Variants in FKBP14 observed in about 807,000 individuals in gnomAD.
FKBP14 encodes peptidyl-prolyl cis-trans isomerase FKBP14.
A neutral mutation model predicts 21.6 loss-of-function variants in FKBP14; 20 were observed. The observed-to-expected ratio is 0.92, with a 90% CI of 0.65 to 1.34. FKBP14 has a LOEUF of 1.34. Among genes scored for constraint, FKBP14 ranks in the 40% most tolerant of loss-of-function variants. The pLI, the probability that FKBP14 is intolerant of heterozygous loss-of-function variation, is 0.00. For missense variants in FKBP14, 253 were observed against 249.0 expected (o/e 1.02, Z -0.11); for synonymous variants, 79 against 86.7 (o/e 0.91, Z 0.49).
chr7:30,011,602 A>C lies in FKBP14; in HGVS notation c.*3133T>G, dbSNP rs985033426. On this transcript the variant is annotated 3_prime_UTR_variant, in exon 4 of 4. Coordinates refer to ENST00000222803, the MANE Select transcript of FKBP14 (RefSeq NM_017946.4). ...ATATATATATATATAGTATATATAT[A>C]TATATATATTTTTTTTTTTAGATGG... 2.3e-5 allele frequency: 3 copies of C among 129,632 alleles called. No individual in the cohort carries two copies. Among genetic ancestry groups the C allele is most frequent in the African/African-American group, 8.6e-5 (3 of 34,884 alleles). The allele number at this position is 129,632 out of a possible 1,614,324, so 8.0% of individuals were successfully genotyped here.
At chr7:30,024,888 A>T (rs1213669901) in intron 1 of FKBP14, among the ~76,000 whole-genome samples, 1 of 152,244 alleles carries the variant, frequency 6.6e-6, no homozygotes, top group Non-Finnish European at 1.5e-5. Context: ...CTGAGTCTAA[A>T]AGAGATCAGA....
At chr7:30,007,277 T>G (rs1789634187), downstream of FKBP14, among the ~76,000 whole-genome samples, 1 of 150,192 alleles carries the variant, frequency 6.7e-6, no homozygotes, top group Admixed American at 6.7e-5. Flanking sequence ...TGGTGCGATC[T>G]CGGCTCACTG....
chr7:30,025,357 AT>A (rs1161735700), intron 1 of FKBP14: 1 of 152,142 alleles, frequency 6.6e-6, no homozygotes, highest in Non-Finnish European at 1.5e-5. Flanking sequence ...ATATCATTGC[AT>A]TATTTACTTG....
intron 1 of FKBP14, 111 bp from the exon 2 acceptor site, chr7:30,022,927 T>A: frequency 1.0e-6 from 1 of 962,326 alleles, no homozygotes; most frequent in Non-Finnish European, 1.5e-6. Flanking sequence ...AATTTATAAA[T>A]ACAGCAATTC....
chr7:30,007,064 C>T (rs1789629940), downstream of FKBP14, among the ~76,000 whole-genome samples: 1 of 152,124 alleles, frequency 6.6e-6, no homozygotes, highest in Non-Finnish European at 1.5e-5. Flanking sequence ...CACTGATATA[C>T]TGGGTACATT....
intron 3 of FKBP14, among the ~76,000 whole-genome samples, chr7:30,016,507 C>T (rs1347104205): frequency 1.3e-5 from 2 of 152,116 alleles, no homozygotes; most frequent in Admixed American, 1.3e-4. Context: ...GATTCACCTG[C>T]CTCAGACTCC....
Position 30,014,631 on chromosome 7 carries a change from A to G in FKBP14, c.*104T>C. On this transcript the variant is annotated 3_prime_UTR_variant, in exon 4 of 4. Transcript: ENST00000222803. ...GGAGTCAGAAAAAATATATAAAAAT[A>G]AAAAACAAAGCAAGAAAGAACATTG... 1.3e-6 allele frequency: 1 copy of G among 796,324 alleles called. No homozygotes were observed. Among genetic ancestry groups the G allele is most frequent in the African/African-American group, 1.8e-5 (1 of 56,008 alleles). The allele number at this position is 796,324 out of a possible 1,614,324, so 49.3% of individuals were successfully genotyped here.
chr7:30,021,507 C>G (rs1790029918), intron 2 of FKBP14, among the ~76,000 whole-genome samples: 1 of 151,880 alleles, frequency 6.6e-6, no homozygotes, highest in Non-Finnish European at 1.5e-5. Flanking sequence ...TCTAATTATT[C>G]CCTTAGGTTT....
downstream of FKBP14, among the ~76,000 whole-genome samples, chr7:30,008,947 C>CA (rs1015375422): frequency 9.2e-3 from 1,055 of 114,530 alleles, 7 homozygotes; most frequent in Middle Eastern, 0.014. Flanking sequence ...AATCCGTCTC[C>CA]AAAAAAAAAA....
chr7:30,022,004 G>T (rs945201831), intron 2 of FKBP14, among the ~76,000 whole-genome samples: 1 of 152,126 alleles, frequency 6.6e-6, no homozygotes, highest in Non-Finnish European at 1.5e-5. Flanking sequence ...GACACAGGGA[G>T]AATTAAATTC....
chr7:30,017,449 G>A (rs1789918447), intron 3 of FKBP14, among the ~76,000 whole-genome samples: 1 of 151,818 alleles, frequency 6.6e-6, no homozygotes, highest in South Asian at 2.1e-4. Context: ...TGCACCTGTA[G>A]TCCCAGCTAC....
At chr7:30,006,874 C>G (rs999178062), downstream of FKBP14, among the ~76,000 whole-genome samples, 1 of 152,188 alleles carries the variant, frequency 6.6e-6, no homozygotes, top group Non-Finnish European at 1.5e-5. Flanking sequence ...TAGGTCAGAT[C>G]CTTGCCTCCC....
rs2127945848 is a variant in FKBP14 at position 30,012,571 on chromosome 7, G to A, written c.*2164C>T. 6.6e-6 allele frequency: 1 copy of A among 152,272 alleles called. No homozygotes were observed. The highest frequency in any genetic ancestry group is 1.9e-4 in the East Asian group (1 of 5,178). 9.4% of individuals were successfully genotyped at this position (152,272 alleles called of 1,614,324 possible). On this transcript the variant is annotated 3_prime_UTR_variant, in exon 4 of 4. Coordinates refer to ENST00000222803, the MANE Select transcript of FKBP14 (RefSeq NM_017946.4). ...GTTAAGAACTTTATGTTTTACTGAG[G>A]AAAATGTCAACATATAATCAGTGAA... is the stretch of plus-strand genomic sequence containing the variant.
At chr7:30,016,382 C>G (rs890841396) in intron 3 of FKBP14, among the ~76,000 whole-genome samples, 5 of 151,708 alleles carry the variant, frequency 3.3e-5, no homozygotes, top group Admixed American at 3.3e-4. Context: ...TTTCCATTTT[C>G]ATTTGTTTTT....
chr7:30,024,467 C>T (rs1562840007), intron 1 of FKBP14, among the ~76,000 whole-genome samples: 1 of 152,212 alleles, frequency 6.6e-6, no homozygotes, highest in Non-Finnish European at 1.5e-5. Flanking sequence ...GCGGCGCAAT[C>T]TTGGCTCACT....
At chr7:30,022,277 A>G (rs540044560) in intron 2 of FKBP14, 1 of 154,852 alleles carries the variant, frequency 6.5e-6, no homozygotes, top group Non-Finnish European at 1.4e-5. Flanking sequence ...GTTTGGGAAG[A>G]TGAGAACATT....
chr7:30,024,132 AAAAG>A (rs201181293), intron 1 of FKBP14, among the ~76,000 whole-genome samples: 4,063 of 152,300 alleles, frequency 0.027, 77 homozygotes, highest in South Asian at 0.06. Context: ...GTAGGTGAGA[AAAAG>A]AAGTCACTGT....
chr7:30,020,326 C>T (rs1201061648), intron 2 of FKBP14: 24 of 1,238,442 alleles, frequency 1.9e-5, no homozygotes, highest in African/African-American at 3.1e-5. Context: ...GTGTTAAATA[C>T]AGATTAGAAA....
At chr7:30,009,621 A>G (rs1477283704), downstream of FKBP14, among the ~76,000 whole-genome samples, 1 of 152,088 alleles carries the variant, frequency 6.6e-6, no homozygotes, top group East Asian at 1.9e-4. Context: ...GCAATTTCCA[A>G]ACACTGAGAA....
Sources: gnomAD v4.1 joint callset for allele counts (sites outside exome capture counted in the v4.1 genomes callset) on GRCh38, gnomAD v4.1.1 for gene constraint, MANE v1.5 for transcripts, NCBI Gene and HGNC (gene_info 2026-07-23, HGNC 2026-07-21) for gene names.